Variants in EPHA6 observed in about 807,000 individuals in gnomAD.
EPHA6 encodes the protein ephrin type-A receptor 6.
A neutral mutation model predicts 112.0 loss-of-function variants in EPHA6; 50 were observed. The ratio of observed to expected loss-of-function variants is 0.45; its 90% CI spans 0.36 to 0.56. The LOEUF (loss-of-function observed/expected upper bound fraction) is 0.56, where lower values mean the gene tolerates loss of function less well. Ranked by LOEUF, EPHA6 falls within the 20% of genes least tolerant of loss-of-function variation. EPHA6 has a pLI of 0.00. For synonymous variants in EPHA6, 529 were observed against 490.7 expected (o/e 1.08, Z -1.03); for missense variants, 1,280 against 1,417.4 (o/e 0.90, Z 1.56).
intron 3 of EPHA6, among the ~76,000 whole-genome samples, chr3:97,114,948 A>G (rs1284173053): frequency 6.6e-6 from 1 of 152,046 alleles, no homozygotes; most frequent in Non-Finnish European, 1.5e-5. Flanking sequence ...TTGCTGGAAA[A>G]TAAAGTTAAT....
At chr3:96,854,391 G>T (rs2035574800) in intron 1 of EPHA6, among the ~76,000 whole-genome samples, 1 of 151,642 alleles carries the variant, frequency 6.6e-6, no homozygotes, top group Admixed American at 6.6e-5. Flanking sequence ...TGCTGGCCAG[G>T]ATGGTCTCAA....
intron 14 of EPHA6, among the ~76,000 whole-genome samples, chr3:97,669,463 A>T (rs2030550933): frequency 6.6e-6 from 1 of 151,936 alleles, no homozygotes; most frequent in African/African-American, 2.4e-5. Flanking sequence ...AATCCAGGGT[A>T]CATTTTTAAA....
At chr3:97,450,535 G>A (rs1330653589) in intron 7 of EPHA6, among the ~76,000 whole-genome samples, 1 of 152,032 alleles carries the variant, frequency 6.6e-6, no homozygotes, top group Non-Finnish European at 1.5e-5. Context: ...GACTTCTAGA[G>A]AAGGTCATTT....
intron 7 of EPHA6, among the ~76,000 whole-genome samples, chr3:97,470,475 A>T (rs2091194150): frequency 6.6e-6 from 1 of 151,762 alleles, no homozygotes; most frequent in Admixed American, 6.6e-5. Flanking sequence ...AATGACACAG[A>T]ATACAAATAA....
chr3:97,190,916 G>C (rs2077288636), intron 3 of EPHA6, among the ~76,000 whole-genome samples: 2 of 151,992 alleles, frequency 1.3e-5, no homozygotes, highest in Admixed American at 6.6e-5. Flanking sequence ...TATTGCAAAA[G>C]GTGTAAGAAC....
intron 3 of EPHA6, among the ~76,000 whole-genome samples, chr3:97,184,190 G>A (rs1320283084): frequency 6.6e-6 from 1 of 151,998 alleles, no homozygotes; most frequent in Non-Finnish European, 1.5e-5. Flanking sequence ...CTATTTTAAA[G>A]CAATGACAAC....
chr3:97,561,751 T>G lies in EPHA6; in HGVS notation c.2386+29208T>G, dbSNP rs140577495. ...ACATACTTCTATTGGAAGAAGATTCTTCTAGAAATTTCATAAGTAGAGAGA... is the reference window on the plus strand; with the variant it reads ...ACATACTTCTATTGGAAGAAGATTCGTCTAGAAATTTCATAAGTAGAGAGA... On this transcript the variant is annotated intron_variant, in intron 11 of 17. Transcript: ENST00000389672. 3.3e-3 allele frequency among the ~76,000 whole-genome samples: 509 copies of G among 152,214 alleles called. 3 individuals carry two copies. Among genetic ancestry groups the G allele is most frequent in the African/African-American group, 0.011 (449 of 41,550 alleles).
At chr3:96,922,469 T>C (rs1559833774) in intron 2 of EPHA6, among the ~76,000 whole-genome samples, 1 of 152,134 alleles carries the variant, frequency 6.6e-6, no homozygotes, top group African/African-American at 2.4e-5. Context: ...TCAGATAGCA[T>C]TAAAAAATTG....
chr3:97,355,559 C>CAT (rs1370783179), intron 5 of EPHA6, among the ~76,000 whole-genome samples: 1 of 151,952 alleles, frequency 6.6e-6, no homozygotes, highest in African/African-American at 2.4e-5. Flanking sequence ...GAAGTTAAAA[C>CAT]ATACTGCTAG....
chr3:97,212,354 A>G (rs1305919747), intron 3 of EPHA6, among the ~76,000 whole-genome samples: 7 of 152,296 alleles, frequency 4.6e-5, no homozygotes, highest in Middle Eastern at 3.4e-3. Flanking sequence ...TAGAAGATAA[A>G]TGTTGGAACA....
At chr3:96,953,060 A>G (rs1045850107) in intron 2 of EPHA6, among the ~76,000 whole-genome samples, 2 of 152,172 alleles carry the variant, frequency 1.3e-5, no homozygotes, top group African/African-American at 4.8e-5. Context: ...GAAATAACCA[A>G]AAAAGAACAA....
intron 5 of EPHA6, among the ~76,000 whole-genome samples, chr3:97,286,161 T>C (rs999789092): frequency 6.6e-6 from 1 of 152,158 alleles, no homozygotes; most frequent in Non-Finnish European, 1.5e-5. Context: ...GTCAGGTGAT[T>C]AGTTCAAAAA....
chr3:97,604,396 C>T (rs2093664882), intron 12 of EPHA6, among the ~76,000 whole-genome samples: 1 of 151,658 alleles, frequency 6.6e-6, no homozygotes, highest in Non-Finnish European at 1.5e-5. Flanking sequence ...TTTACTGCAT[C>T]ATATGAAACA....
chr3:97,202,273 T>C (rs2077595107), intron 3 of EPHA6, among the ~76,000 whole-genome samples: 1 of 152,002 alleles, frequency 6.6e-6, no homozygotes, highest in Non-Finnish European at 1.5e-5. Context: ...GATAACACTC[T>C]GAAGAAGCTT....
intron 3 of EPHA6, among the ~76,000 whole-genome samples, chr3:97,033,605 TC>T (rs941458648): frequency 1.3e-5 from 2 of 151,956 alleles, no homozygotes; most frequent in African/African-American, 4.8e-5. Context: ...ATGCTGAACA[TC>T]CTCTATAGAA....
rs12495828 is a variant in EPHA6, at chr3:97,759,726, A to C, written c.*11025A>C. On this transcript the variant is annotated 3_prime_UTR_variant, in exon 18 of 18. Transcript: ENST00000389672. ...ACGTAAGTTTTTTTTTAATTTTACCAAGAATGAGATAAAAGCCAATATGCA... is the reference window on the plus strand; with the variant it reads ...ACGTAAGTTTTTTTTTAATTTTACCCAGAATGAGATAAAAGCCAATATGCA... 62,219 of 227,562 alleles carry C rather than the reference A, an allele frequency of 0.27. 8,756 individuals are homozygous for C. The highest frequency in any genetic ancestry group is 0.32 in the South Asian group (1,731 of 5,464). 14.1% of individuals were successfully genotyped at this position (227,562 alleles called of 1,614,324 possible). A position where few individuals can be genotyped will look rare whatever the true frequency, so the allele number is the denominator to read the frequency against.
rs561313767 is a variant in EPHA6, at chr3:97,302,158, C to T, written c.1606+57871C>T. ...TTCTGCCAAGTTAAAATCATATTCC[C>T]TTTCTCTACAGTATTTCAGAATAAG... On this transcript the variant is annotated intron_variant, in intron 5 of 17. Coordinates refer to ENST00000389672, the MANE Select transcript of EPHA6 (RefSeq NM_001080448.3). Among the ~76,000 whole-genome samples, 22 of 152,132 alleles carry T rather than the reference C, an allele frequency of 1.4e-4. No individual in the cohort carries two copies. The South Asian group carries it at 4.6e-3, about 32-fold the overall frequency.
intron 3 of EPHA6, among the ~76,000 whole-genome samples, chr3:97,195,072 A>G (rs1380848316): frequency 3.9e-5 from 6 of 151,914 alleles, no homozygotes; most frequent in Non-Finnish European, 8.8e-5. Context: ...TTTACATTCA[A>G]TGTTATATTA....
intron 10 of EPHA6, among the ~76,000 whole-genome samples, chr3:97,487,978 C>A (rs1019309147): frequency 6.6e-6 from 1 of 152,154 alleles, no homozygotes; most frequent in Non-Finnish European, 1.5e-5. Context: ...CAATTTTAAT[C>A]ATGGTCTGAA....
Sources: allele counts gnomAD v4.1 joint callset (sites outside exome capture counted in the v4.1 genomes callset), GRCh38; gene constraint gnomAD v4.1.1; transcripts MANE v1.5; gene names NCBI Gene and HGNC (gene_info 2026-07-23, HGNC 2026-07-21).